The following DNAJC13 variants were observed in gnomAD, a reference collection of about 807,000 sequenced individuals.
DNAJC13 encodes DnaJ heat shock protein family (Hsp40) member C13.
In DNAJC13, 75 loss-of-function variants were observed where a neutral mutation model predicts 290.5. That is an observed-to-expected ratio of 0.26 (90% CI 0.21 to 0.31). The LOEUF (loss-of-function observed/expected upper bound fraction) is 0.31. Ranked by LOEUF, DNAJC13 falls within the 10% of genes least tolerant of loss-of-function variation. DNAJC13 has a pLI of 1.00. For missense variants in DNAJC13, 2,260 were observed against 2,674.5 expected, an observed-to-expected ratio of 0.85 and a Z score of 3.42; for synonymous variants, 862 against 892.0, an observed-to-expected ratio of 0.97 and a Z score of 0.60.
intron 53 of DNAJC13, among the ~76,000 whole-genome samples, chr3:132,527,103 CA>C (rs1256780864): frequency 1.3e-5 from 2 of 152,070 alleles, no homozygotes; most frequent in Admixed American, 6.5e-5. Context: ...AATGTTTCCA[CA>C]AAAAAATAAG....
In DNAJC13 at chr3:132,514,553, C is replaced by T; in HGVS notation, c.5386-18C>T. 1 of 1,564,334 alleles carries T rather than the reference C, an allele frequency of 6.4e-7. No homozygotes were observed. Among genetic ancestry groups the T allele is most frequent in the East Asian group, 2.3e-5 (1 of 43,976 alleles). On this transcript the variant is annotated intron_variant, in intron 45 of 55. Coordinates refer to ENST00000260818, the MANE Select transcript of DNAJC13 (RefSeq NM_015268.4). The stretch of plus-strand genomic sequence containing the variant: ...AATTATTTCTGAAACTTTTACTATC[C>T]TGTTGATTAATTTTCAGGTTGTGAA...
In DNAJC13 at chr3:132,438,043, C is replaced by G. The variant is rs1158366436; in HGVS notation, c.68+3425C>G. Among the ~76,000 whole-genome samples the G allele has an allele frequency of 5.6e-5, 7 of 124,892 alleles. No homozygotes were observed. The East Asian group carries it at 1.4e-3, about 25-fold the overall frequency. The allele number at this position is 124,892 out of a possible 152,430, so 81.9% of individuals were successfully genotyped here. A position where few individuals can be genotyped will look rare whatever the true frequency, so the allele number is the denominator to read the frequency against. On this transcript the variant is annotated intron_variant, in intron 2 of 55. Transcript: ENST00000260818. ...TCCAGCCTGGGCGACAGAGTAAGAC[C>G]GTGTCTCAAAAAAAAAAAAAAAAAA...
chr3:132,507,856 C>T (rs1935644488), intron 43 of DNAJC13, among the ~76,000 whole-genome samples: 1 of 152,130 alleles, frequency 6.6e-6, no homozygotes, highest in African/African-American at 2.4e-5. Context: ...AAGGAAGAGT[C>T]ACAGGTCTCT....
intron 20 of DNAJC13, among the ~76,000 whole-genome samples, chr3:132,469,501 T>G (rs1934111269): frequency 6.6e-6 from 1 of 152,226 alleles, no homozygotes. Context: ...ATTCAGTCAC[T>G]TAGTTTATGG....
In DNAJC13 at chr3:132,513,160, GTCTC is replaced by G. The variant is rs1166639675; in HGVS notation, c.5385+63_5385+66del. On this transcript the variant is annotated intron_variant, in intron 45 of 55. Coordinates refer to ENST00000260818, the MANE Select transcript of DNAJC13 (RefSeq NM_015268.4). ...CTACCACTTACCATGTGTAATTTGAGTCTCTATCAGTCATTGTCTGAAGTTGAAG... is the reference window on the plus strand; with the variant it reads ...CTACCACTTACCATGTGTAATTTGAGTATCAGTCATTGTCTGAAGTTGAAG... 5.1e-5 allele frequency: 68 copies of G among 1,336,970 alleles called. 1 individual carries two copies. The highest frequency in any genetic ancestry group is 6.2e-5 in the Non-Finnish European group (58 of 930,046). 82.8% of individuals were successfully genotyped at this position (1,336,970 alleles called of 1,614,324 possible).
intron 23 of DNAJC13, 37 bp downstream of exon 23, chr3:132,477,929 A>G: frequency 6.2e-7 from 1 of 1,601,074 alleles, no homozygotes; most frequent in Non-Finnish European, 8.5e-7. Context: ...ATTTGTTTTC[A>G]CTGTTGGTTT....
chr3:132,519,314 G>C (rs1437520532), intron 48 of DNAJC13, among the ~76,000 whole-genome samples: 7 of 152,096 alleles, frequency 4.6e-5, no homozygotes, highest in Non-Finnish European at 1.0e-4. Flanking sequence ...AACCATCCTA[G>C]TAGGTATGAT....
chr3:132,463,622 A>G, intron 16 of DNAJC13, 74 bp from the exon 17 acceptor site: 1 of 1,488,968 alleles, frequency 6.7e-7, no homozygotes, highest in Non-Finnish European at 9.0e-7. Flanking sequence ...TAAATATGTA[A>G]AATTAGTTTT....
intron 21 of DNAJC13, chr3:132,474,459 C>G (rs1225280663): frequency 6.6e-6 from 1 of 152,334 alleles, no homozygotes; most frequent in African/African-American, 2.4e-5. Context: ...CCAGGGTGAT[C>G]TCGAACGCCT....
intron 1 of DNAJC13, among the ~76,000 whole-genome samples, chr3:132,421,972 A>G (rs1214625858): frequency 6.6e-6 from 1 of 152,092 alleles, no homozygotes; most frequent in Non-Finnish European, 1.5e-5. Flanking sequence ...TTCATTATAA[A>G]TAGGTTTTTG....
Position 132,478,000 on chromosome 3 carries a change from C to G in DNAJC13, c.2569C>G (p.Leu857Val). The G allele has an allele frequency of 6.2e-7, 1 of 1,606,602 alleles. No homozygotes were observed. Among genetic ancestry groups the G allele is most frequent in the Non-Finnish European group, 8.5e-7 (1 of 1,178,258 alleles). The change falls in exon 24 of 56, where the codon CTT (leucine) becomes GTT (valine). Residue 857 changes from leucine to valine, a missense_variant. Coordinates refer to ENST00000260818, the MANE Select transcript of DNAJC13 (RefSeq NM_015268.4). ...IKRSYEFFNELYHRFLLTPKV... is the reference protein window; with the variant it reads ...IKRSYEFFNEVYHRFLLTPKV... Reference sequence around the variant, plus strand: ...ATCTAGGTATGAATTTTTCAATGAGCTTTATCATCGCTTCTTGCTCACCCC... The same window carrying G: ...ATCTAGGTATGAATTTTTCAATGAGGTTTATCATCGCTTCTTGCTCACCCC...
rs1934421792 is a variant in DNAJC13 at position 132,474,981 on chromosome 3, C to T, written c.2341C>T (p.Arg781Ter). The change falls in exon 22 of 56, where the codon CGA becomes TGA. Residue 781 changes from arginine to a stop codon, truncating the protein, a stop_gained. Coordinates refer to ENST00000260818, the MANE Select transcript of DNAJC13 (RefSeq NM_015268.4). LOFTEE classifies it high-confidence loss of function. ...RSNLIWNFKT[R>*]EELKDTLESE... is the part of the protein sequence containing the mutation. ...AAACCTTATTTGGAATTTCAAAACA[C>T]GAGAAGAACTGAAAGATACTCTTGA... 6.2e-7 allele frequency: 1 copy of T among 1,610,816 alleles called. No individual in the cohort carries two copies. Among genetic ancestry groups the T allele is most frequent in the Non-Finnish European group, 8.5e-7 (1 of 1,178,410 alleles).
In DNAJC13 at chr3:132,427,644, G is replaced by GT. The variant is rs534244024; in HGVS notation, c.-13-6893dup. Among the ~76,000 whole-genome samples the GT allele has an allele frequency of 4.6e-5, 7 of 152,148 alleles. No homozygotes were observed. The South Asian group carries it at 1.5e-3, about 32-fold the overall frequency. On this transcript the variant is annotated intron_variant, in intron 1 of 55. Coordinates refer to ENST00000260818, the MANE Select transcript of DNAJC13 (RefSeq NM_015268.4). ...GTACTTTTGAAGGTGAACATTCTAG[G>GT]TGATATCTATTGCATACTAGAGGGA...
At chr3:132,459,974 G>A (rs1933735848) in intron 13 of DNAJC13, among the ~76,000 whole-genome samples, 1 of 152,126 alleles carries the variant, frequency 6.6e-6, no homozygotes, top group Admixed American at 6.5e-5. Flanking sequence ...GTGGGCAAAT[G>A]TTTGCCTTTT....
intron 55 of DNAJC13, among the ~76,000 whole-genome samples, chr3:132,532,583 T>G (rs747451863): frequency 3.3e-5 from 5 of 152,138 alleles, no homozygotes; most frequent in Non-Finnish European, 7.3e-5. Flanking sequence ...GTTAAAATTA[T>G]AGCTTCTAAG....
At chr3:132,446,669 A>G (rs1933251904) in intron 3 of DNAJC13, 119 bp downstream of exon 3, 3 of 632,336 alleles carry the variant, frequency 4.7e-6, no homozygotes, top group Middle Eastern at 2.6e-4. Flanking sequence ...CAAATCAGAA[A>G]GAGATTGATG....
At chr3:132,508,179 G>T (rs1935653814) in intron 43 of DNAJC13, among the ~76,000 whole-genome samples, 1 of 152,218 alleles carries the variant, frequency 6.6e-6, no homozygotes, top group Admixed American at 6.5e-5. Context: ...GGCTGAGATA[G>T]AGGGTAAGGA....
Position 132,468,400 on chromosome 3 carries a change from A to G in DNAJC13, c.2208+1087A>G, listed in dbSNP as rs554930052. Among the ~76,000 whole-genome samples, 3 of 152,342 alleles carry G rather than the reference A, an allele frequency of 2.0e-5. No homozygotes were observed. In the South Asian group the frequency reaches 6.2e-4, roughly 32 times the overall value. ...AATACGTAAGCATAGCAGAACAAATATTATAGTCTTGTGTATCTATCTGAA... is the reference window on the plus strand; with the variant it reads ...AATACGTAAGCATAGCAGAACAAATGTTATAGTCTTGTGTATCTATCTGAA... On this transcript the variant is annotated intron_variant, in intron 20 of 55. Coordinates refer to ENST00000260818, the MANE Select transcript of DNAJC13 (RefSeq NM_015268.4).
chr3:132,448,763 A>G (rs1933330367), intron 5 of DNAJC13, among the ~76,000 whole-genome samples: 1 of 152,122 alleles, frequency 6.6e-6, no homozygotes, highest in Non-Finnish European at 1.5e-5. Context: ...TTAGCATCCC[A>G]GAAACCTCAC....
Sources: gnomAD v4.1 joint callset for allele counts (sites outside exome capture counted in the v4.1 genomes callset) on GRCh38, gnomAD v4.1.1 for gene constraint, MANE v1.5 for transcripts, NCBI Gene and HGNC (gene_info 2026-07-23, HGNC 2026-07-21) for gene names.